The following PRMT3 variants were observed in gnomAD, a reference collection of about 807,000 sequenced individuals.
PRMT3 encodes the protein protein arginine N-methyltransferase 3.
In PRMT3, 62 loss-of-function variants were observed where a neutral mutation model predicts 71.9. That is an observed-to-expected ratio of 0.86 (90% CI 0.70 to 1.07). The LOEUF (loss-of-function observed/expected upper bound fraction) is 1.07, where lower values mean the gene tolerates loss of function less well. Ranked by LOEUF, PRMT3 falls within the 50% of genes least tolerant of loss-of-function variation. The pLI is 0.00. For missense variants in PRMT3, 663 were observed against 643.0 expected (o/e 1.03, Z -0.34); for synonymous variants, 213 against 220.4 (o/e 0.97, Z 0.30).
chr11:20,496,472 G>A (rs964380028), intron 15 of PRMT3, among the ~76,000 whole-genome samples: 1 of 152,026 alleles, frequency 6.6e-6, no homozygotes, highest in Non-Finnish European at 1.5e-5. Flanking sequence ...ATTGCAGAAT[G>A]AGTCTGACAA....
rs551567512 is a variant in PRMT3 at position 20,412,512 on chromosome 11, C to T, written c.893+4480C>T. ...TATGAATTCCTGTGTGCCTATCACC[C>T]GCGTCTACATTTATCAATTTTTCAC... On this transcript the variant is annotated intron_variant, in intron 9 of 15. Transcript: ENST00000331079. Among the ~76,000 whole-genome samples the T allele has an allele frequency of 3.4e-4, 51 of 152,140 alleles. 2 individuals are homozygous for T. In the South Asian group the frequency reaches 0.01, roughly 31 times the overall value.
At chr11:20,465,113 G>A (rs955194388) in intron 13 of PRMT3, among the ~76,000 whole-genome samples, 9 of 152,054 alleles carry the variant, frequency 5.9e-5, no homozygotes, top group African/African-American at 2.2e-4. Flanking sequence ...AGACTATTCA[G>A]TTGCTTTAAG....
At chr11:20,461,706 T>A (rs915300299) in intron 11 of PRMT3, among the ~76,000 whole-genome samples, 14 of 152,220 alleles carry the variant, frequency 9.2e-5, no homozygotes, top group African/African-American at 3.1e-4. Context: ...TAAATATGTT[T>A]ATTTCAGAAT....
intron 13 of PRMT3, among the ~76,000 whole-genome samples, chr11:20,481,785 C>T (rs1850943417): frequency 6.6e-6 from 1 of 152,068 alleles, no homozygotes; most frequent in African/African-American, 2.4e-5. Flanking sequence ...TTCCATTTGA[C>T]TTCATTTTAT....
At chr11:20,445,757 A>G (rs1396620408) in intron 10 of PRMT3, among the ~76,000 whole-genome samples, 1 of 152,120 alleles carries the variant, frequency 6.6e-6, no homozygotes, top group Non-Finnish European at 1.5e-5. Flanking sequence ...GTTACCACTT[A>G]TACTTACATC....
Position 20,508,485 on chromosome 11 carries a change from T to C in PRMT3, c.*72T>C. On this transcript the variant is annotated 3_prime_UTR_variant, in exon 16 of 16. Transcript: ENST00000331079. ...GAGTGGGTCAGCAGGAGGGAGCTGGTTTTATGTGAGCAGATGGATGGATGA... is the reference window on the plus strand; with the variant it reads ...GAGTGGGTCAGCAGGAGGGAGCTGGCTTTATGTGAGCAGATGGATGGATGA... 9.5e-7 allele frequency: 1 copy of C among 1,056,758 alleles called. No homozygotes were observed. The highest frequency in any genetic ancestry group is 1.3e-5 in the South Asian group (1 of 79,250). The allele number at this position is 1,056,758 out of a possible 1,614,324, so 65.5% of individuals were successfully genotyped here.
At chr11:20,390,177 A>C (rs772576486) in intron 3 of PRMT3, among the ~76,000 whole-genome samples, 6 of 152,064 alleles carry the variant, frequency 3.9e-5, no homozygotes, top group Non-Finnish European at 8.8e-5. Context: ...GTGAAATATA[A>C]GTTCAGATTT....
chr11:20,497,938 G>A (rs1851370332), intron 15 of PRMT3, among the ~76,000 whole-genome samples: 1 of 152,078 alleles, frequency 6.6e-6, no homozygotes, highest in Non-Finnish European at 1.5e-5. Context: ...TGTCTGATAG[G>A]AACAGACCCA....
chr11:20,430,637 G>T (rs1410187888), intron 10 of PRMT3, among the ~76,000 whole-genome samples: 1 of 152,016 alleles, frequency 6.6e-6, no homozygotes, highest in Non-Finnish European at 1.5e-5. Flanking sequence ...ACAACATGAT[G>T]TTTTGATTTA....
At chr11:20,442,482 G>A (rs947390848) in intron 10 of PRMT3, among the ~76,000 whole-genome samples, 1 of 151,368 alleles carries the variant, frequency 6.6e-6, no homozygotes, top group Admixed American at 6.6e-5. Flanking sequence ...TATTTTTGGG[G>A]TTATTTTGAA....
At chr11:20,504,347 G>A (rs909116259) in intron 15 of PRMT3, among the ~76,000 whole-genome samples, 1 of 152,090 alleles carries the variant, frequency 6.6e-6, no homozygotes, top group African/African-American at 2.4e-5. Context: ...TTCCCCCAGG[G>A]ATCTGTATGT....
At chr11:20,456,816 T>C (rs1850277034) in intron 11 of PRMT3, among the ~76,000 whole-genome samples, 1 of 152,212 alleles carries the variant, frequency 6.6e-6, no homozygotes, top group Non-Finnish European at 1.5e-5. Flanking sequence ...ATGATCAGCA[T>C]TTTAATATTG....
chr11:20,450,228 AAC>A (rs571393396), intron 10 of PRMT3, among the ~76,000 whole-genome samples: 20 of 152,142 alleles, frequency 1.3e-4, no homozygotes, highest in Non-Finnish European at 2.4e-4. Context: ...TCAGTTTTGA[AAC>A]ACAGCAGTCT....
At chr11:20,501,396 A>G (rs1395014317) in intron 15 of PRMT3, among the ~76,000 whole-genome samples, 1 of 152,146 alleles carries the variant, frequency 6.6e-6, no homozygotes, top group Non-Finnish European at 1.5e-5. Flanking sequence ...CACTATGCCA[A>G]GGTCATCTAG....
intron 10 of PRMT3, 94 bp downstream of exon 10, chr11:20,426,959 G>A: frequency 7.1e-7 from 1 of 1,408,384 alleles, no homozygotes; most frequent in Non-Finnish European, 9.2e-7. Flanking sequence ...TTTGATACAT[G>A]GCAGAATGGT....
chr11:20,503,150 A>AT (rs895809904), intron 15 of PRMT3, among the ~76,000 whole-genome samples: 5 of 151,810 alleles, frequency 3.3e-5, no homozygotes, highest in East Asian at 1.9e-4. Flanking sequence ...GCTTTATAGA[A>AT]TTTTTTTTCA....
At chr11:20,406,262 C>G (rs560454626) in intron 8 of PRMT3, 3 of 152,148 alleles carry the variant, frequency 2.0e-5, no homozygotes, top group Non-Finnish European at 4.4e-5. Context: ...AGTTGTTATG[C>G]TGTATTGTTT....
chr11:20,392,179 A>C (rs776352134), intron 3 of PRMT3, 32 bp from the exon 4 acceptor site: 1 of 1,561,604 alleles, frequency 6.4e-7, no homozygotes, highest in Non-Finnish European at 8.7e-7. Flanking sequence ...TCATTATGTT[A>C]ACATAGGTGA....
chr11:20,418,090 A>G (rs1340003022), intron 9 of PRMT3, among the ~76,000 whole-genome samples: 3 of 152,236 alleles, frequency 2.0e-5, no homozygotes, highest in East Asian at 1.9e-4. Flanking sequence ...AGGAAATAAG[A>G]TAGGAAAGTA....
Sources: gnomAD v4.1 joint callset for allele counts (sites outside exome capture counted in the v4.1 genomes callset) on GRCh38, gnomAD v4.1.1 for gene constraint, MANE v1.5 for transcripts, NCBI Gene and HGNC (gene_info 2026-07-23, HGNC 2026-07-21) for gene names.